The following STARD13 variants were observed in gnomAD, a reference collection of about 807,000 sequenced individuals.
STARD13 encodes stAR-related lipid transfer protein 13.
In STARD13, 62 loss-of-function variants were observed where a neutral mutation model predicts 106.4. The ratio of observed to expected loss-of-function variants is 0.58; its 90% CI spans 0.48 to 0.72. The LOEUF (loss-of-function observed/expected upper bound fraction) is 0.72, where lower values mean the gene tolerates loss of function less well. Ranked by LOEUF, STARD13 falls within the 30% of genes least tolerant of loss-of-function variation. The pLI is 0.00. For synonymous variants in STARD13, 565 were observed against 553.0 expected (o/e 1.02, Z -0.31); for missense variants, 1,387 against 1,424.0 (o/e 0.97, Z 0.42).
At chr13:33,442,387 C>T in the STARD13 span, among the ~76,000 whole-genome samples, 1 of 152,184 alleles carries the variant, frequency 6.6e-6, no homozygotes, top group South Asian at 2.1e-4. Flanking sequence ...GGCACAATAA[C>T]TGAAAGTCAG....
At chr13:33,241,476 T>C (rs1889491550) in intron 1 of STARD13, among the ~76,000 whole-genome samples, 2 of 152,112 alleles carry the variant, frequency 1.3e-5, no homozygotes. Flanking sequence ...AAAGGTATTT[T>C]TCTAGGCAAT....
At chr13:33,413,805 G>A in the STARD13 span, among the ~76,000 whole-genome samples, 3 of 152,098 alleles carry the variant, frequency 2.0e-5, no homozygotes, top group African/African-American at 7.2e-5. Context: ...GTCGAGGCAG[G>A]CAGATCACCT....
chr13:33,223,533 C>A (rs939261225), intron 1 of STARD13, among the ~76,000 whole-genome samples: 1 of 151,986 alleles, frequency 6.6e-6, no homozygotes, highest in African/African-American at 2.4e-5. Flanking sequence ...GTGGTGGGTG[C>A]CTGTAATCCC....
At chr13:33,206,124 C>G in intron 1 of STARD13, 2 of 548,848 alleles carry the variant, frequency 3.6e-6, no homozygotes, top group Non-Finnish European at 4.6e-6. Context: ...CCTATAAATC[C>G]TCTTTTTAAA....
chr13:33,398,021 A>G, the STARD13 span, among the ~76,000 whole-genome samples: 1 of 152,248 alleles, frequency 6.6e-6, no homozygotes, highest in Non-Finnish European at 1.5e-5. Flanking sequence ...ATAAACATTC[A>G]GATGACAGAA....
the STARD13 span, among the ~76,000 whole-genome samples, chr13:33,615,115 T>A: frequency 1.3e-4 from 20 of 152,082 alleles, no homozygotes; most frequent in African/African-American, 4.6e-4. Context: ...GGAGGTAGAG[T>A]CAACAGAACT....
chr13:33,334,884 A>ACACCACACACT (rs1180010477), intron 1 of STARD13: 1 of 147,512 alleles, frequency 6.8e-6, no homozygotes. Flanking sequence ...GCGCACACAC[A>ACACCACACACT]CACCACACAC....
At chr13:33,648,878 G>T in the STARD13 span, among the ~76,000 whole-genome samples, 1 of 123,540 alleles carries the variant, frequency 8.1e-6, no homozygotes, top group Admixed American at 9.5e-5. Flanking sequence ...CGCAACCTCC[G>T]CCTCCCAGGT....
the STARD13 span, among the ~76,000 whole-genome samples, chr13:33,457,598 G>A: frequency 6.6e-6 from 1 of 152,166 alleles, no homozygotes; most frequent in Non-Finnish European, 1.5e-5. Flanking sequence ...AGACTGGGTG[G>A]CTCATAAACA....
At chr13:33,400,076 G>A in the STARD13 span, among the ~76,000 whole-genome samples, 1 of 151,844 alleles carries the variant, frequency 6.6e-6, no homozygotes, top group Non-Finnish European at 1.5e-5. Flanking sequence ...TAGATTTCCA[G>A]AACATGTTCA....
the STARD13 span, among the ~76,000 whole-genome samples, chr13:33,449,178 A>T: frequency 6.6e-6 from 1 of 151,492 alleles, no homozygotes; most frequent in Non-Finnish European, 1.5e-5. Context: ...CTGGTGTAGG[A>T]TATTTTTCAT....
chr13:33,121,668 C>CTTTTT (rs1566541082), intron 7 of STARD13, among the ~76,000 whole-genome samples: 1 of 95,630 alleles, frequency 1.0e-5, no homozygotes, highest in Admixed American at 1.3e-4. Flanking sequence ...TGTTGTTCAT[C>CTTTTT]CTTTTTTTTT....
At chr13:33,350,624 G>C (rs955126704) in exon 1 of STARD13, 2 of 1,378,508 alleles carry the variant, frequency 1.5e-6, no homozygotes, top group African/African-American at 3.1e-5. Flanking sequence ...CGCCGCGCTA[G>C]GTTATTAACC....
At chr13:33,444,531 C>T in the STARD13 span, among the ~76,000 whole-genome samples, 1 of 152,022 alleles carries the variant, frequency 6.6e-6, no homozygotes, top group Non-Finnish European at 1.5e-5. Context: ...TTTGGGAGGC[C>T]AAGGTGGGAG....
rs148870505 is a variant in STARD13, at chr13:33,120,434, C to T, written c.2083-2171G>A. On this transcript the variant is annotated intron_variant, in intron 7 of 13. Transcript: ENST00000336934. Reference sequence around the variant, plus strand: ...ATGTCTGCAGCTCTCCAGCTGTGGGCTCTGAGCTGCTTTTTCTGACTGAGA... The same window carrying T: ...ATGTCTGCAGCTCTCCAGCTGTGGGTTCTGAGCTGCTTTTTCTGACTGAGA... 3.3e-3 allele frequency among the ~76,000 whole-genome samples: 506 copies of T among 152,264 alleles called. 1 individual carries two copies. Among genetic ancestry groups the T allele is most frequent in the African/African-American group, 0.01 (436 of 41,538 alleles).
At chr13:33,367,274 G>A in the STARD13 span, among the ~76,000 whole-genome samples, 4 of 152,142 alleles carry the variant, frequency 2.6e-5, no homozygotes, top group Non-Finnish European at 4.4e-5. Flanking sequence ...GTTTCCAGCT[G>A]TTTCCAGATC....
At chr13:33,108,645 G>T (rs528361025) in intron 12 of STARD13, among the ~76,000 whole-genome samples, 33 of 152,316 alleles carry the variant, frequency 2.2e-4, no homozygotes, top group African/African-American at 7.9e-4. Context: ...ACGTGGTCGT[G>T]ATGGAACGAA....
chr13:33,559,711 G>A, the STARD13 span, among the ~76,000 whole-genome samples: 3 of 151,496 alleles, frequency 2.0e-5, no homozygotes, highest in East Asian at 5.8e-4. Context: ...CAAAACATTA[G>A]CCAGGTGTGG....
chr13:33,200,662 C>T (rs1315049243), intron 1 of STARD13, among the ~76,000 whole-genome samples: 1 of 152,224 alleles, frequency 6.6e-6, no homozygotes, highest in East Asian at 1.9e-4. Context: ...CTCTCTGAAG[C>T]AGAGGACTTG....
Sources: allele counts gnomAD v4.1 joint callset (sites outside exome capture counted in the v4.1 genomes callset), GRCh38; gene constraint gnomAD v4.1.1; transcripts MANE v1.5; gene names NCBI Gene and HGNC (gene_info 2026-07-23, HGNC 2026-07-21).